Variants in GALNT13 observed in about 807,000 individuals in gnomAD.
GALNT13 encodes polypeptide N-acetylgalactosaminyltransferase 13.
A neutral mutation model predicts 64.2 loss-of-function variants in GALNT13; 28 were observed. The observed-to-expected ratio is 0.44, with a 90% CI of 0.32 to 0.60. GALNT13 has a LOEUF of 0.60. Among genes scored for constraint, GALNT13 ranks in the 20% least tolerant of loss-of-function variants. GALNT13 has a pLI of 0.05. For missense variants in GALNT13, 577 were observed against 669.8 expected (o/e 0.86, Z 1.53); for synonymous variants, 214 against 224.6 (o/e 0.95, Z 0.42).
the GALNT13 span, among the ~76,000 whole-genome samples, chr2:153,718,201 A>C: frequency 6.6e-6 from 1 of 151,944 alleles, no homozygotes; most frequent in African/African-American, 2.4e-5. Flanking sequence ...AAACATGCTT[A>C]AAAAAAAGCT....
chr2:154,263,487 G>C (rs1453685824), intron 8 of GALNT13, among the ~76,000 whole-genome samples: 1 of 152,062 alleles, frequency 6.6e-6, no homozygotes, highest in Non-Finnish European at 1.5e-5. Flanking sequence ...ATTTGGCTTT[G>C]ATCATGGTTA....
the GALNT13 span, among the ~76,000 whole-genome samples, chr2:153,146,464 A>G: frequency 6.6e-6 from 1 of 151,866 alleles, no homozygotes; most frequent in African/African-American, 2.4e-5. Context: ...GGAAAACACT[A>G]TCTCCCAAAA....
At chr2:153,573,786 G>T in the GALNT13 span, among the ~76,000 whole-genome samples, 1 of 151,842 alleles carries the variant, frequency 6.6e-6, no homozygotes, top group Non-Finnish European at 1.5e-5. Context: ...CTATTTTATT[G>T]TACTGTCTAT....
intron 6 of GALNT13, among the ~76,000 whole-genome samples, chr2:154,243,614 C>T (rs967132032): frequency 5.9e-5 from 9 of 152,296 alleles, no homozygotes; most frequent in African/African-American, 2.2e-4. Flanking sequence ...CTTATACATA[C>T]CTGCAATTCC....
At chr2:153,589,425 G>T in the GALNT13 span, among the ~76,000 whole-genome samples, 2 of 152,104 alleles carry the variant, frequency 1.3e-5, no homozygotes, top group Admixed American at 1.3e-4. Context: ...GTCTTCTTCT[G>T]AGCCCTCCAA....
At chr2:154,079,447 T>A (rs1701158084) in intron 3 of GALNT13, among the ~76,000 whole-genome samples, 1 of 151,598 alleles carries the variant, frequency 6.6e-6, no homozygotes, top group African/African-American at 2.4e-5. Flanking sequence ...ATATATATAT[T>A]TTTATTTCAG....
the GALNT13 span, among the ~76,000 whole-genome samples, chr2:153,608,740 AAT>A: frequency 2.0e-5 from 3 of 147,754 alleles, no homozygotes; most frequent in Non-Finnish European, 3.0e-5. Context: ...AACTTATATA[AAT>A]ATGTTTTTAT....
At chr2:154,014,993 C>T (rs894560624) in intron 3 of GALNT13, among the ~76,000 whole-genome samples, 5 of 151,976 alleles carry the variant, frequency 3.3e-5, no homozygotes, top group African/African-American at 1.2e-4. Flanking sequence ...ATACAATTTC[C>T]CTTATTGACA....
At chr2:153,918,113 C>T (rs962460154) in intron 2 of GALNT13, among the ~76,000 whole-genome samples, 1 of 152,012 alleles carries the variant, frequency 6.6e-6, no homozygotes, top group Non-Finnish European at 1.5e-5. Flanking sequence ...ACTAGGAGTT[C>T]ATTGAGATTT....
the GALNT13 span, among the ~76,000 whole-genome samples, chr2:153,289,989 G>T: frequency 1.3e-5 from 2 of 152,126 alleles, no homozygotes; most frequent in East Asian, 3.8e-4. Context: ...GTGGCCAAAG[G>T]CAGGTTGCTT....
At chr2:153,485,692 C>T in the GALNT13 span, among the ~76,000 whole-genome samples, 590 of 152,136 alleles carry the variant, frequency 3.9e-3, 1 homozygote, top group Non-Finnish European at 5.8e-3. Context: ...TGCTTGAGCC[C>T]AGGAGTCCCA....
the GALNT13 span, among the ~76,000 whole-genome samples, chr2:153,666,095 C>T: frequency 6.6e-6 from 1 of 152,028 alleles, no homozygotes; most frequent in Non-Finnish European, 1.5e-5. Flanking sequence ...TGGCCATGTC[C>T]ACTTGCAGTG....
the GALNT13 span, among the ~76,000 whole-genome samples, chr2:153,630,762 C>CGTAT: frequency 3.1e-5 from 1 of 32,140 alleles, no homozygotes; most frequent in Non-Finnish European, 5.5e-5. Context: ...TTTTAGGCTT[C>CGTAT]ATATATATAT....
the GALNT13 span, among the ~76,000 whole-genome samples, chr2:153,742,629 T>C: frequency 6.6e-6 from 1 of 152,206 alleles, no homozygotes; most frequent in Admixed American, 6.5e-5. Flanking sequence ...CATCTTTATG[T>C]CCACATGTAA....
rs1374930768 is a variant in GALNT13 at position 154,098,095 on chromosome 2, T to TTTA, written c.143-42240_143-42239insATT. On this transcript the variant is annotated intron_variant, in intron 3 of 12. Coordinates refer to ENST00000392825, the MANE Select transcript of GALNT13 (RefSeq NM_052917.4). Reference sequence around the variant, plus strand: ...GTGTTTCTCTGCTTGTCTTTCTTTTTTTTTTTTTTTTGTCAGCAGTTTTAA... The same window carrying TTTA: ...GTGTTTCTCTGCTTGTCTTTCTTTTTTTATTTTTTTTTTTGTCAGCAGTTTTAA... Among the ~76,000 whole-genome samples, 3 of 151,016 alleles carry TTTA rather than the reference T, an allele frequency of 2.0e-5. No individual in the cohort carries two copies. The East Asian group carries it at 5.9e-4, about 30-fold the overall frequency.
At chr2:154,026,760 G>T (rs1287437359) in intron 3 of GALNT13, among the ~76,000 whole-genome samples, 1 of 152,096 alleles carries the variant, frequency 6.6e-6, no homozygotes, top group African/African-American at 2.4e-5. Context: ...AAAATGTTTA[G>T]AGCTTCAACC....
At chr2:154,371,509 A>T (rs1010961359) in intron 9 of GALNT13, among the ~76,000 whole-genome samples, 1 of 152,108 alleles carries the variant, frequency 6.6e-6, no homozygotes, top group Non-Finnish European at 1.5e-5. Context: ...ACAAGAGGAT[A>T]TTATGAATTC....
chr2:153,348,887 T>C, the GALNT13 span, among the ~76,000 whole-genome samples: 3 of 152,156 alleles, frequency 2.0e-5, no homozygotes, highest in Non-Finnish European at 4.4e-5. Flanking sequence ...CTTAGGGGAT[T>C]TGAGCTTGCC....
chr2:154,369,660 T>G (rs930852012), intron 9 of GALNT13, among the ~76,000 whole-genome samples: 2 of 152,114 alleles, frequency 1.3e-5, no homozygotes, highest in African/African-American at 2.4e-5. Flanking sequence ...CAGTAGAGAT[T>G]AAGTTTCAAC....
Sources: gnomAD v4.1 joint callset for allele counts (sites outside exome capture counted in the v4.1 genomes callset) on GRCh38, gnomAD v4.1.1 for gene constraint, MANE v1.5 for transcripts, NCBI Gene and HGNC (gene_info 2026-07-23, HGNC 2026-07-21) for gene names.